Variants in CTNNA2 observed in about 807,000 individuals in gnomAD.
CTNNA2 encodes catenin alpha 2.
A neutral mutation model predicts 101.0 loss-of-function variants in CTNNA2; 42 were observed. The ratio of observed to expected loss-of-function variants is 0.42; its 90% CI spans 0.32 to 0.54. The LOEUF is 0.54. CTNNA2 is among the 20% of genes least tolerant of loss of function. The pLI is 0.14. For missense variants in CTNNA2, 871 were observed against 1,223.1 expected (o/e 0.71, Z 4.29); for synonymous variants, 450 against 456.4 (o/e 0.99, Z 0.18).
intron 3 of CTNNA2, among the ~76,000 whole-genome samples, chr2:79,359,280 A>T (rs1677574429): frequency 6.6e-6 from 1 of 152,144 alleles, no homozygotes; most frequent in African/African-American, 2.4e-5. Flanking sequence ...AGGGGCTAGG[A>T]CTGAATTCTA....
intron 7 of CTNNA2, among the ~76,000 whole-genome samples, chr2:80,231,488 A>G (rs1163418563): frequency 2.0e-5 from 3 of 152,174 alleles, no homozygotes; most frequent in East Asian, 1.9e-4. Context: ...AAGTTTCTCA[A>G]TCAGCTGGGT....
At chr2:79,961,821 C>CA (rs35063153) in intron 7 of CTNNA2, among the ~76,000 whole-genome samples, 14,438 of 86,780 alleles carry the variant, frequency 0.17, 1,358 homozygotes, top group Middle Eastern at 0.28. Context: ...GACTCCGTCT[C>CA]AAAAAAAAAA....
chr2:79,573,292 T>C (rs542903788), intron 1 of CTNNA2, among the ~76,000 whole-genome samples: 2 of 152,190 alleles, frequency 1.3e-5, no homozygotes, highest in Non-Finnish European at 2.9e-5. Flanking sequence ...AGGCAACAAG[T>C]GTCATCGCCA....
At chr2:80,446,604 C>T (rs963601848) in intron 9 of CTNNA2, among the ~76,000 whole-genome samples, 7 of 151,732 alleles carry the variant, frequency 4.6e-5, no homozygotes, top group African/African-American at 1.7e-4. Context: ...AAATTGTGTT[C>T]TGGAAAAAAA....
intron 3 of CTNNA2, among the ~76,000 whole-genome samples, chr2:79,332,336 G>T (rs1573087167): frequency 6.6e-6 from 1 of 151,154 alleles, no homozygotes; most frequent in African/African-American, 2.4e-5. Flanking sequence ...AACACTTCTG[G>T]AATTAAGCAA....
intron 1 of CTNNA2, among the ~76,000 whole-genome samples, chr2:79,541,619 C>T (rs1181771533): frequency 2.0e-5 from 3 of 150,278 alleles, no homozygotes; most frequent in African/African-American, 4.9e-5. Context: ...TGCATTTCCC[C>T]AATCTTCATA....
At chr2:80,561,795 T>C (rs927237846) in intron 12 of CTNNA2, among the ~76,000 whole-genome samples, 1 of 151,712 alleles carries the variant, frequency 6.6e-6, no homozygotes, top group Non-Finnish European at 1.5e-5. Flanking sequence ...CAAGTAGCTG[T>C]GATTACAGGC....
At chr2:80,633,299 A>G (rs1672488865) in intron 18 of CTNNA2, among the ~76,000 whole-genome samples, 1 of 152,192 alleles carries the variant, frequency 6.6e-6, no homozygotes, top group South Asian at 2.1e-4. Flanking sequence ...ATTGTATTTA[A>G]TCAAGTTTTC....
At chr2:80,005,467 T>C (rs17018415) in intron 7 of CTNNA2, among the ~76,000 whole-genome samples, 4,891 of 152,262 alleles carry the variant, frequency 0.032, 338 homozygotes, top group Admixed American at 0.18. Context: ...AAAAAAACTT[T>C]TAGAGCACTT....
At chr2:79,946,090 A>G (rs1688473753) in intron 7 of CTNNA2, among the ~76,000 whole-genome samples, 1 of 152,182 alleles carries the variant, frequency 6.6e-6, no homozygotes, top group Non-Finnish European at 1.5e-5. Context: ...ATTAAAAGAT[A>G]ATACCTCATT....
intron 3 of CTNNA2, among the ~76,000 whole-genome samples, chr2:79,338,000 C>G (rs960567962): frequency 5.9e-5 from 9 of 151,966 alleles, no homozygotes; most frequent in African/African-American, 2.2e-4. Context: ...AAACCTAGCA[C>G]TTTAGGAGGC....
At chr2:79,464,726 GAT>G (rs1173412387) in intron 4 of CTNNA2, among the ~76,000 whole-genome samples, 1 of 152,134 alleles carries the variant, frequency 6.6e-6, no homozygotes, top group Non-Finnish European at 1.5e-5. Flanking sequence ...GCATTTCTTT[GAT>G]GGCCAATGAT....
rs1671501473 is a variant in CTNNA2, at chr2:79,744,507, G to A, written c.223G>A (p.Gly75Ser). ...AGCCACTCAGAATTTCCTGGAAAAG[G>A]GTGAACAGATCGCTAAGGAGAGTCA... is the stretch of plus-strand genomic sequence containing the variant. ...EQATQNFLEK[G>S]EQIAKESQDL... The change falls in exon 3 of 19, where the codon GGT (glycine) becomes AGT (serine). Residue 75 changes from glycine to serine, a missense_variant. This residue lies in a region of CTNNA2 where 647 missense variants were observed against 831.5 expected (regional missense o/e 0.78). Coordinates refer to ENST00000402739, the MANE Select transcript of CTNNA2 (RefSeq NM_001282597.3). 1 of 1,613,886 alleles carries A rather than the reference G, an allele frequency of 6.2e-7. No homozygotes were observed. The highest frequency in any genetic ancestry group is 1.7e-5 in the Admixed American group (1 of 59,984).
intron 6 of CTNNA2, among the ~76,000 whole-genome samples, chr2:79,877,824 A>G (rs1205789097): frequency 3.9e-5 from 6 of 152,180 alleles, no homozygotes. Context: ...CAGCACAGCT[A>G]GTTTGCCCTA....
At chr2:80,315,556 C>T (rs1678036082) in intron 7 of CTNNA2, among the ~76,000 whole-genome samples, 1 of 152,164 alleles carries the variant, frequency 6.6e-6, no homozygotes, top group Non-Finnish European at 1.5e-5. Flanking sequence ...CTCCAGTAGG[C>T]TAGCTCTGGT....
intron 3 of CTNNA2, among the ~76,000 whole-genome samples, chr2:79,846,360 A>C (rs1354531422): frequency 2.0e-5 from 3 of 152,216 alleles, no homozygotes. Flanking sequence ...TAAGATGCAA[A>C]TTATAAAATG....
chr2:80,603,396 C>CA lies in CTNNA2; in HGVS notation c.2190-677dup, dbSNP rs1697724818. Among the ~76,000 whole-genome samples the CA allele has an allele frequency of 2.0e-5, 3 of 152,136 alleles. No homozygotes were observed. In the South Asian group the frequency reaches 6.2e-4, roughly 32 times the overall value. The stretch of plus-strand genomic sequence containing the variant: ...TTGGAAGCACAAAAACATTTACTGT[C>CA]ACTCAGTGCTTTGTACGTTCTTTCA... On this transcript the variant is annotated intron_variant, in intron 15 of 18. Coordinates refer to ENST00000402739, the MANE Select transcript of CTNNA2 (RefSeq NM_001282597.3).
At chr2:79,945,470 C>T (rs10192641) in intron 7 of CTNNA2, among the ~76,000 whole-genome samples, 13,970 of 152,128 alleles carry the variant, frequency 0.092, 1,744 homozygotes, top group African/African-American at 0.28. Context: ...TTTTAACATT[C>T]GATGTAAATA....
At chr2:80,614,369 G>A (rs577302187) in intron 17 of CTNNA2, among the ~76,000 whole-genome samples, 42 of 151,548 alleles carry the variant, frequency 2.8e-4, no homozygotes, top group Non-Finnish European at 4.9e-4. Context: ...TGTAACATTT[G>A]CATCATAATA....
Sources: allele counts gnomAD v4.1 joint callset (sites outside exome capture counted in the v4.1 genomes callset), GRCh38; gene constraint gnomAD v4.1.1; regional missense constraint gnomAD v4.1.1; transcripts MANE v1.5; gene names NCBI Gene and HGNC (gene_info 2026-07-23, HGNC 2026-07-21).